The following TBCE variants were observed in gnomAD, a reference collection of about 807,000 sequenced individuals.
TBCE encodes the protein tubulin folding cofactor E.
TBCE carries 53 observed loss-of-function variants against 77.0 expected under a neutral mutation model. The observed-to-expected ratio is 0.69, with a 90% CI of 0.55 to 0.87. TBCE has a LOEUF of 0.87. Among genes scored for constraint, TBCE ranks in the 40% least tolerant of loss-of-function variants. The pLI, the probability that TBCE is intolerant of heterozygous loss-of-function variation, is 0.00. For synonymous variants in TBCE, 235 were observed against 241.3 expected (o/e 0.97, Z 0.24); for missense variants, 624 against 622.4 (o/e 1.00, Z -0.03).
intron 2 of TBCE, among the ~76,000 whole-genome samples, chr1:235,400,220 G>A (rs190659067): frequency 2.0e-5 from 3 of 151,876 alleles, no homozygotes; most frequent in East Asian, 1.9e-4. Flanking sequence ...TTTTAAACCC[G>A]AAGAACTGAT....
chr1:235,430,677 G>C (rs1681033477), intron 6 of TBCE, 28 bp from the exon 7 acceptor site: 3 of 1,530,184 alleles, frequency 2.0e-6, no homozygotes, highest in Admixed American at 1.7e-5. Context: ...ATAGAAATAA[G>C]TACATTGTAT....
intron 3 of TBCE, among the ~76,000 whole-genome samples, chr1:235,404,082 G>A (rs1300404705): frequency 1.3e-5 from 2 of 152,186 alleles, no homozygotes; most frequent in African/African-American, 4.8e-5. Flanking sequence ...TTCAAGACCA[G>A]CCTGGACAAT....
At chr1:235,435,938 A>G in intron 9 of TBCE, 98 bp downstream of exon 9, 2 of 1,071,508 alleles carry the variant, frequency 1.9e-6, no homozygotes, top group Middle Eastern at 2.0e-4. Context: ...GAAACGTGGT[A>G]ACAATGATGG....
intron 3 of TBCE, among the ~76,000 whole-genome samples, chr1:235,411,254 GA>G (rs1679765538): frequency 6.6e-6 from 1 of 152,240 alleles, no homozygotes; most frequent in Non-Finnish European, 1.5e-5. Flanking sequence ...CACAGGTCAG[GA>G]ACTGTGTAGA....
At chr1:235,404,771 C>T (rs1037843927) in intron 3 of TBCE, among the ~76,000 whole-genome samples, 1 of 151,082 alleles carries the variant, frequency 6.6e-6, no homozygotes, top group African/African-American at 2.4e-5. Context: ...CAACGATTCT[C>T]TTGCCTTAGC....
intron 8 of TBCE, among the ~76,000 whole-genome samples, chr1:235,435,036 GAT>G (rs1681348685): frequency 6.6e-6 from 1 of 151,822 alleles, no homozygotes. Flanking sequence ...TGAATTAAAG[GAT>G]TCAGAATCTT....
At chr1:235,410,149 A>T (rs1476148168) in intron 3 of TBCE, among the ~76,000 whole-genome samples, 2 of 143,682 alleles carry the variant, frequency 1.4e-5, no homozygotes, top group Non-Finnish European at 2.9e-5. Context: ...CGGGAGGCTG[A>T]GGCAGGAGAA....
chr1:235,436,697 A>G lies in TBCE; in HGVS notation c.963+89A>G, dbSNP rs1171449707. On this transcript the variant is annotated intron_variant, in intron 11 of 16. Coordinates refer to ENST00000642610, the MANE Select transcript of TBCE (RefSeq NM_003193.5). ...GGAGGTTCCTTCTACCAAAAAAGTA[A>G]AAAGAAATTTAAATCGAAAGAGAAA... 4.6e-6 allele frequency: 6 copies of G among 1,298,070 alleles called. No homozygotes were observed. The African/African-American group carries it at 5.8e-5, about 13-fold the overall frequency. The allele number at this position is 1,298,070 out of a possible 1,614,324, so 80.4% of individuals were successfully genotyped here.
chr1:235,396,289 ACCTCAT>A (rs1236543788), intron 2 of TBCE, among the ~76,000 whole-genome samples: 1 of 151,550 alleles, frequency 6.6e-6, no homozygotes, highest in Non-Finnish European at 1.5e-5. Flanking sequence ...CGATCTCCTG[ACCTCAT>A]GATCTGCCCG....
Position 235,374,347 on chromosome 1 carries a change from A to G in TBCE, c.-31-5672A>G, listed in dbSNP as rs749951938. Among the ~76,000 whole-genome samples, 23 of 146,186 alleles carry G rather than the reference A, an allele frequency of 1.6e-4. 4 individuals carry two copies. Among genetic ancestry groups the G allele is most frequent in the Non-Finnish European group, 3.3e-4 (22 of 66,774 alleles). ...GTGGCGTTCAGTTCTAGATATCGCA[A>G]TTTAAGCATGGAATCAGTAAATCAG... is the stretch of plus-strand genomic sequence containing the variant. On this transcript the variant is annotated intron_variant, in intron 1 of 16. Transcript: ENST00000642610.
intron 3 of TBCE, among the ~76,000 whole-genome samples, chr1:235,413,631 C>G (rs895990458): frequency 2.7e-5 from 4 of 150,236 alleles, no homozygotes; most frequent in Non-Finnish European, 4.4e-5. Flanking sequence ...CCACTGCACT[C>G]CAGTCTGGGC....
intron 2 of TBCE, among the ~76,000 whole-genome samples, chr1:235,397,993 T>C (rs1678846850): frequency 1.3e-5 from 2 of 152,198 alleles, no homozygotes; most frequent in Non-Finnish European, 2.9e-5. Flanking sequence ...AGTTGAATGC[T>C]GGCCTTGCTC....
At chr1:235,381,413 G>A (rs996115099) in intron 2 of TBCE, among the ~76,000 whole-genome samples, 5 of 151,890 alleles carry the variant, frequency 3.3e-5, no homozygotes, top group African/African-American at 4.8e-5. Flanking sequence ...GGCCGGGCAC[G>A]GTGGCTCACA....
chr1:235,369,648 C>A (rs1398148987), intron 1 of TBCE, among the ~76,000 whole-genome samples: 3 of 119,570 alleles, frequency 2.5e-5, no homozygotes, highest in Admixed American at 8.8e-5. Context: ...GTGGCGAAAC[C>A]CCGTCTCTAC....
chr1:235,446,676 A>C (rs1682338680), intron 15 of TBCE, among the ~76,000 whole-genome samples: 1 of 151,380 alleles, frequency 6.6e-6, no homozygotes, highest in Admixed American at 6.6e-5. Context: ...TCTTCTATAG[A>C]ACCGGTATGA....
intron 3 of TBCE, among the ~76,000 whole-genome samples, chr1:235,411,961 G>A (rs190225273): frequency 5.9e-5 from 9 of 151,604 alleles, no homozygotes; most frequent in African/African-American, 1.7e-4. Context: ...CAGACTGCTC[G>A]TAGGAAAGGT....
chr1:235,424,118 C>T (rs766822162), intron 5 of TBCE, among the ~76,000 whole-genome samples: 2 of 152,054 alleles, frequency 1.3e-5, no homozygotes, highest in East Asian at 1.9e-4. Context: ...GATTTTGGAT[C>T]GAGGATGACT....
At chr1:235,432,695 G>A (rs1476296677) in intron 7 of TBCE, among the ~76,000 whole-genome samples, 1 of 151,992 alleles carries the variant, frequency 6.6e-6, no homozygotes, top group East Asian at 1.9e-4. Context: ...GGTGGAGATG[G>A]CAGTAAAGTT....
chr1:235,388,824 C>T (rs1235946673), intron 2 of TBCE, among the ~76,000 whole-genome samples: 1 of 152,186 alleles, frequency 6.6e-6, no homozygotes, highest in Non-Finnish European at 1.5e-5. Flanking sequence ...CAAGGTTGGG[C>T]AGAGGGCTAA....
Sources: gnomAD v4.1 joint callset for allele counts (sites outside exome capture counted in the v4.1 genomes callset) on GRCh38, gnomAD v4.1.1 for gene constraint, MANE v1.5 for transcripts, NCBI Gene and HGNC (gene_info 2026-07-23, HGNC 2026-07-21) for gene names.